Variants in PTPRQ observed in about 807,000 individuals in gnomAD.
PTPRQ encodes the protein protein tyrosine phosphatase receptor type Q, also known as phosphatidylinositol phosphatase PTPRQ.
In PTPRQ, 199 loss-of-function variants were observed where a neutral mutation model predicts 246.0. The observed-to-expected ratio is 0.81, with a 90% CI of 0.72 to 0.91. PTPRQ has a LOEUF of 0.91. Among genes scored for constraint, PTPRQ ranks in the 40% least tolerant of loss-of-function variants. The pLI is 0.00. For missense variants in PTPRQ, 2,624 were observed against 2,528.4 expected (o/e 1.04, Z -0.81); for synonymous variants, 869 against 853.2 (o/e 1.02, Z -0.32).
rs1448600449 is a variant in PTPRQ at position 80,619,500 on chromosome 12, G to A, written c.5347G>A (p.Gly1783Arg). 1.3e-6 allele frequency: 2 copies of A among 1,541,386 alleles called. No individual in the cohort carries two copies. The highest frequency in any genetic ancestry group is 1.8e-6 in the Non-Finnish European group (2 of 1,141,218). The change falls in exon 31 of 45, where the codon GGA becomes AGA. Residue 1783 changes from glycine (G) to arginine (R), a missense_variant. Transcript: ENST00000644991. ...MPICYYSDDH[G>R]PIKNVQVLVT... ...AATATGTTACTACAGTGATGATCATGGACCAATAAAAAATGTACAAGTGCT... is the reference window on the plus strand; with the variant it reads ...AATATGTTACTACAGTGATGATCATAGACCAATAAAAAATGTACAAGTGCT...
rs1177887248 is a variant in PTPRQ at position 80,549,562 on chromosome 12, G to A, written c.4113G>A (p.Thr1371=). ...DPPKKANGII[T]QYMVTVERNS... ...CCAAAAAGGCAAATGGAATAATAACGCAGTATATGGTAACAGTTGAAAGGA... is the reference window on the plus strand; with the variant it reads ...CCAAAAAGGCAAATGGAATAATAACACAGTATATGGTAACAGTTGAAAGGA... Residue 1371 remains threonine, a synonymous_variant, in exon 25 of 45, where the codon ACG becomes ACA. Transcript: ENST00000644991. 2.0e-5 allele frequency: 31 copies of A among 1,551,060 alleles called. No individual in the cohort carries two copies. Among genetic ancestry groups the A allele is most frequent in the African/African-American group, 2.7e-5 (2 of 73,000 alleles).
intron 2 of PTPRQ, among the ~76,000 whole-genome samples, chr12:80,445,215 G>T (rs373818915): frequency 6.6e-6 from 1 of 151,846 alleles, no homozygotes; most frequent in African/African-American, 2.4e-5. Context: ...TGTAAGCCTT[G>T]CGTAAGTGAA....
chr12:80,554,262 A>G (rs1896578342), intron 25 of PTPRQ, among the ~76,000 whole-genome samples: 1 of 152,098 alleles, frequency 6.6e-6, no homozygotes, highest in Non-Finnish European at 1.5e-5. Context: ...GGTGATGGAT[A>G]CCTCATTTAC....
chr12:80,661,584 T>G (rs539806719), intron 39 of PTPRQ, among the ~76,000 whole-genome samples: 1 of 151,738 alleles, frequency 6.6e-6, no homozygotes, highest in Non-Finnish European at 1.5e-5. Flanking sequence ...TACAAATATA[T>G]CACCATCAAT....
chr12:80,534,142 A>G lies in PTPRQ; in HGVS notation c.2806A>G (p.Ser936Gly). 4 of 1,543,064 alleles carry G rather than the reference A, an allele frequency of 2.6e-6. No individual in the cohort carries two copies. The highest frequency in any genetic ancestry group is 3.5e-6 in the Non-Finnish European group (4 of 1,143,068). The part of the protein sequence containing the change: ...STRFGDGKTR[S>G]NIISFQTPEG... ...CAGATTTGGTGATGGGAAAACAAGA[A>G]GCAATATCATTAGCTTTCAAACACC... Residue 936 changes from serine (S) to glycine (G), a missense_variant, in exon 18 of 45, where the codon AGC becomes GGC. Physicochemically the swap from Ser to Gly is moderately conservative, Grantham distance 56. Transcript: ENST00000644991.
At position 80,542,096 on chromosome 12, in the gene PTPRQ, A is replaced by G. The variant is rs1391236841; in HGVS notation, c.3453A>G (p.Glu1151=). The change falls in exon 22 of 45, where the codon GAA becomes GAG. Residue 1151 remains glutamate, a synonymous_variant. Transcript: ENST00000644991. The part of the protein sequence containing the change: ...LYIKTEEDVP[E]TSPIINTFKN... ...TCTCTTTTTCTTTTATAGTCCCAGA[A>G]ACTTCACCAATAATCAACACTTTTA... 6.5e-7 allele frequency: 1 copy of G among 1,545,230 alleles called. No individual in the cohort carries two copies. The highest frequency in any genetic ancestry group is 2.0e-5 in the Admixed American group (1 of 49,804).
chr12:80,567,965 C>G (rs931534223), intron 25 of PTPRQ, among the ~76,000 whole-genome samples: 1 of 152,072 alleles, frequency 6.6e-6, no homozygotes, highest in Non-Finnish European at 1.5e-5. Flanking sequence ...TTTATTGTAA[C>G]TTTAATTCAC....
At chr12:80,455,710 C>T (rs1592524374) in intron 3 of PTPRQ, among the ~76,000 whole-genome samples, 1 of 151,870 alleles carries the variant, frequency 6.6e-6, no homozygotes. Flanking sequence ...CCTGCCTCAG[C>T]CTCCCAAATA....
intron 25 of PTPRQ, among the ~76,000 whole-genome samples, chr12:80,583,245 TCAG>T (rs1240382255): frequency 1.3e-5 from 2 of 152,098 alleles, no homozygotes; most frequent in Non-Finnish European, 2.9e-5. Flanking sequence ...TTTGTTTCAT[TCAG>T]TAGTCTAGAC....
intron 25 of PTPRQ, among the ~76,000 whole-genome samples, chr12:80,551,064 A>T (rs149430231): frequency 3.0e-4 from 46 of 152,034 alleles, no homozygotes; most frequent in African/African-American, 1.1e-3. Context: ...TCTCTAGGAT[A>T]TTACCCCATC....
chr12:80,638,257 G>A (rs1431373311), intron 35 of PTPRQ, among the ~76,000 whole-genome samples: 29 of 137,924 alleles, frequency 2.1e-4, no homozygotes, highest in Non-Finnish European at 4.1e-4. Flanking sequence ...CAACAAGAGT[G>A]AAACTCCGTT....
At chr12:80,574,526 ATT>A (rs1897233207) in intron 25 of PTPRQ, among the ~76,000 whole-genome samples, 1 of 151,894 alleles carries the variant, frequency 6.6e-6, no homozygotes, top group Non-Finnish European at 1.5e-5. Context: ...TTAACTATAT[ATT>A]TTTAGCATTA....
At chr12:80,485,380 C>G (rs1444645747) in intron 9 of PTPRQ, among the ~76,000 whole-genome samples, 1 of 152,150 alleles carries the variant, frequency 6.6e-6, no homozygotes, top group Non-Finnish European at 1.5e-5. Flanking sequence ...ACCAGTGCAG[C>G]AATCACTGGG....
In PTPRQ at chr12:80,524,650, G is replaced by T. The variant is rs181215027; in HGVS notation, c.2679-9365G>T. ...TCTGTTGGTTGACAGGCTTAGGATT[G>T]TATTTTTAGCTTACCGTGTACTAGT... On this transcript the variant is annotated intron_variant, in intron 17 of 44. Coordinates refer to ENST00000644991, the MANE Select transcript of PTPRQ (RefSeq NM_001145026.2). Among the ~76,000 whole-genome samples the T allele has an allele frequency of 1.4e-4, 21 of 152,170 alleles. No homozygotes were observed. The East Asian group carries it at 3.7e-3, about 27-fold the overall frequency.
At chr12:80,455,665 A>T (rs1352040731) in intron 3 of PTPRQ, among the ~76,000 whole-genome samples, 1 of 148,506 alleles carries the variant, frequency 6.7e-6, no homozygotes, top group Non-Finnish European at 1.5e-5. Flanking sequence ...ATCTCGGCTC[A>T]CTGCAAGCTC....
At position 80,669,410 on chromosome 12, in the gene PTPRQ, G is replaced by C; in HGVS notation, c.6399G>C (p.Lys2133Asn). ...TCTTTGGAGATATAGTGATTACAAA[G>C]CTAATGGAGGATGTTCAAATAGATT... ...VTVFGDIVIT[K>N]LMEDVQIDWT... Residue 2133 changes from lysine to asparagine, a missense_variant, in exon 41 of 45, where the codon AAG becomes AAC. Physicochemically the swap from Lys to Asn is moderately conservative, Grantham distance 94. Coordinates refer to ENST00000644991, the MANE Select transcript of PTPRQ (RefSeq NM_001145026.2). 1 of 1,549,632 alleles carries C rather than the reference G, an allele frequency of 6.5e-7. No homozygotes were observed. Among genetic ancestry groups the C allele is most frequent in the South Asian group, 1.2e-5 (1 of 83,882 alleles).
At chr12:80,518,925 T>C (rs1895388425) in intron 17 of PTPRQ, among the ~76,000 whole-genome samples, 1 of 152,262 alleles carries the variant, frequency 6.6e-6, no homozygotes, top group Middle Eastern at 3.4e-3. Context: ...CCTCCAGTTT[T>C]TTCTTTTTGC....
intron 6 of PTPRQ, among the ~76,000 whole-genome samples, chr12:80,465,690 G>C (rs1243781789): frequency 1.3e-5 from 2 of 152,052 alleles, no homozygotes; most frequent in Non-Finnish European, 1.5e-5. Context: ...GGGATGCAAG[G>C]CTGGTTCAAT....
chr12:80,485,026 G>A (rs573085467), intron 9 of PTPRQ, among the ~76,000 whole-genome samples: 3 of 151,624 alleles, frequency 2.0e-5, no homozygotes, highest in African/African-American at 7.3e-5. Context: ...TGTTCTATTT[G>A]GTCTTGGGAA....
Sources: gnomAD v4.1 joint callset for allele counts (sites outside exome capture counted in the v4.1 genomes callset) on GRCh38, gnomAD v4.1.1 for gene constraint, MANE v1.5 for transcripts, NCBI Gene and HGNC (gene_info 2026-07-23, HGNC 2026-07-21) for gene names.